Variants in DSCAML1 observed in about 807,000 individuals in gnomAD.
The protein encoded by DSCAML1 is cell adhesion molecule DSCAML1.
A neutral mutation model predicts 200.5 loss-of-function variants in DSCAML1; 38 were observed. The ratio of observed to expected loss-of-function variants is 0.19; its 90% CI spans 0.15 to 0.25. DSCAML1 has a LOEUF of 0.25. Among genes scored for constraint, DSCAML1 ranks in the 10% least tolerant of loss-of-function variants. DSCAML1 has a pLI of 1.00. For synonymous variants in DSCAML1, 1,215 were observed against 1,165.0 expected (o/e 1.04, Z -0.87); for missense variants, 2,223 against 2,858.8 (o/e 0.78, Z 5.07).
At chr11:117,444,066 A>G in intron 20 of DSCAML1, 27 bp from the exon 21 acceptor site, 3 of 1,594,406 alleles carry the variant, frequency 1.9e-6, no homozygotes, top group Middle Eastern at 1.8e-4. Context: ...AAGAGGCTCT[A>G]AGAAGCAGAA....
intron 3 of DSCAML1, among the ~76,000 whole-genome samples, chr11:117,631,491 A>G (rs1401138144): frequency 6.6e-6 from 1 of 152,252 alleles, no homozygotes; most frequent in African/African-American, 2.4e-5. Flanking sequence ...ATGGGATCCT[A>G]GAACTTTCTG....
chr11:117,557,441 G>T (rs543716072), intron 3 of DSCAML1, among the ~76,000 whole-genome samples: 1 of 152,314 alleles, frequency 6.6e-6, no homozygotes, highest in Non-Finnish European at 1.5e-5. Context: ...CCTGGAGGGG[G>T]TTGGGTACAG....
chr11:117,800,893 T>C (rs2055650993), upstream of DSCAML1: 1 of 152,212 alleles, frequency 6.6e-6, no homozygotes, highest in East Asian at 1.9e-4. Context: ...AGCTTATATA[T>C]TTTGGATACT....
At chr11:117,759,565 G>T (rs2054762004) in intron 3 of DSCAML1, among the ~76,000 whole-genome samples, 2 of 152,246 alleles carry the variant, frequency 1.3e-5, no homozygotes, top group Admixed American at 6.5e-5. Context: ...AGCTGGAGTT[G>T]GGAGTAGGCT....
chr11:117,595,088 A>ACACACACACACC (rs1356090912), intron 3 of DSCAML1, among the ~76,000 whole-genome samples: 5 of 151,068 alleles, frequency 3.3e-5, no homozygotes, highest in Admixed American at 6.6e-5. Context: ...ACACACACAC[A>ACACACACACACC]CCCTTTGATA....
chr11:117,731,952 A>C (rs1245678083), intron 3 of DSCAML1, among the ~76,000 whole-genome samples: 1 of 152,202 alleles, frequency 6.6e-6, no homozygotes, highest in Non-Finnish European at 1.5e-5. Context: ...ACGCAAGATC[A>C]GGCTGGACAG....
At chr11:117,599,480 A>G (rs1435760739) in intron 3 of DSCAML1, among the ~76,000 whole-genome samples, 2 of 152,222 alleles carry the variant, frequency 1.3e-5, no homozygotes, top group African/African-American at 4.8e-5. Flanking sequence ...GCCTTTCTCC[A>G]AACGAAATCA....
rs1460866012 is a variant in DSCAML1 at position 117,461,722 on chromosome 11, G to A, written c.3266-126C>T. 1.2e-5 allele frequency: 10 copies of A among 824,774 alleles called. No individual in the cohort carries two copies. The African/African-American group carries it at 1.5e-4, about 13-fold the overall frequency. 51.1% of individuals were successfully genotyped at this position (824,774 alleles called of 1,614,324 possible). ...GAGCGTCCAGTTAGACAAGTGGGGG[G>A]ACCTCCTGACTTGAGCATCCTGATT... On this transcript the variant is annotated intron_variant, in intron 17 of 32. Transcript: ENST00000651296.
intron 16 of DSCAML1, among the ~76,000 whole-genome samples, 158 bp from the exon 17 acceptor site, chr11:117,465,340 A>G (rs1227908809): frequency 6.6e-6 from 1 of 151,978 alleles, no homozygotes; most frequent in African/African-American, 2.4e-5. Flanking sequence ...TGGCTACTCT[A>G]CCCTGTGTGA....
chr11:117,675,533 T>C (rs2053196179), intron 3 of DSCAML1, among the ~76,000 whole-genome samples: 1 of 148,176 alleles, frequency 6.7e-6, no homozygotes, highest in Admixed American at 6.8e-5. Flanking sequence ...CCCAGGTTGA[T>C]CTTAAACTTC....
chr11:117,484,886 A>AGTGTGTGTGTGTGTGTGT (rs55850829), intron 11 of DSCAML1, among the ~76,000 whole-genome samples: 17 of 119,088 alleles, frequency 1.4e-4, no homozygotes, highest in African/African-American at 2.6e-4. Context: ...GCAGAGGAAC[A>AGTGTGTGTGTGTGTGTGT]GTGTGTGTGT....
At chr11:117,527,584 T>C (rs759369461) in intron 4 of DSCAML1, among the ~76,000 whole-genome samples, 3 of 152,118 alleles carry the variant, frequency 2.0e-5, no homozygotes, top group Admixed American at 1.3e-4. Flanking sequence ...CACAAAGAGA[T>C]GAGGATGCTG....
rs1379138985 is a variant in DSCAML1, at chr11:117,437,421, G to C, written c.4433-12C>G. On this transcript the variant is annotated splice_polypyrimidine_tract_variant and intron_variant, in intron 25 of 32. Coordinates refer to ENST00000651296, the MANE Select transcript of DSCAML1 (RefSeq NM_020693.4). This position sits in a 1 kb window ranked among gnomAD's most constrained non-coding sequence, Gnocchi z 5.3. ...GCTGAAGGAGGGCTCTGGCAGGCCGGAGGGAGAGAGAGAGGTTAGAGAGAT... is the reference window on the plus strand; with the variant it reads ...GCTGAAGGAGGGCTCTGGCAGGCCGCAGGGAGAGAGAGAGGTTAGAGAGAT... 6.2e-7 allele frequency: 1 copy of C among 1,607,610 alleles called. No homozygotes were observed. The highest frequency in any genetic ancestry group is 1.3e-5 in the African/African-American group (1 of 74,894).
chr11:117,592,265 C>G (rs562206175), intron 3 of DSCAML1, among the ~76,000 whole-genome samples: 1 of 152,294 alleles, frequency 6.6e-6, no homozygotes, highest in African/African-American at 2.4e-5. Flanking sequence ...AGTGCACCTC[C>G]TCCTGGAGGC....
intron 12 of DSCAML1, 61 bp downstream of exon 12, chr11:117,481,902 G>A: frequency 6.3e-7 from 1 of 1,596,418 alleles, no homozygotes. Flanking sequence ...AGATGTGATA[G>A]CTGCGGGCTC....
chr11:117,698,050 G>A (rs1156756504), intron 3 of DSCAML1, among the ~76,000 whole-genome samples: 5 of 152,306 alleles, frequency 3.3e-5, no homozygotes, highest in African/African-American at 7.2e-5. Context: ...GATTTCAGGC[G>A]TGAGCCACTG....
chr11:117,750,011 A>C (rs1358434104), intron 3 of DSCAML1, among the ~76,000 whole-genome samples: 5 of 152,244 alleles, frequency 3.3e-5, no homozygotes, highest in Non-Finnish European at 7.3e-5. Context: ...GATCTGGGTG[A>C]TGAAAGGCAC....
intron 14 of DSCAML1, among the ~76,000 whole-genome samples, chr11:117,477,433 T>C (rs2048820814): frequency 6.6e-6 from 1 of 151,136 alleles, no homozygotes; most frequent in African/African-American, 2.4e-5. Context: ...AACTGCATTG[T>C]AAGCTCCAAG....
At chr11:117,777,411 C>G (rs1209334776) in intron 2 of DSCAML1, among the ~76,000 whole-genome samples, 1 of 152,212 alleles carries the variant, frequency 6.6e-6, no homozygotes, top group Non-Finnish European at 1.5e-5. Context: ...ATTTTGGACA[C>G]AGTGACCATA....
Sources: allele counts gnomAD v4.1 joint callset (sites outside exome capture counted in the v4.1 genomes callset), GRCh38; gene constraint gnomAD v4.1.1; non-coding constraint Gnocchi (gnomAD v3.1); transcripts MANE v1.5; gene names NCBI Gene and HGNC (gene_info 2026-07-23, HGNC 2026-07-21).